PALLD: variants seen among roughly 807,000 people sequenced by gnomAD.
PALLD encodes the protein palladin, cytoskeletal associated protein, also known as palladin.
Under a neutral mutation model 123.5 loss-of-function variants are expected in PALLD, and 61 were observed. The observed-to-expected ratio is 0.49, with a 90% confidence interval of 0.40 to 0.61. The LOEUF is 0.61. Ranked by LOEUF, PALLD falls within the 20% of genes least tolerant of loss-of-function variation. The pLI, the probability that PALLD is intolerant of heterozygous loss-of-function variation, is 0.00. For missense variants in PALLD, 1,273 were observed against 1,377.0 expected (o/e 0.92, Z 1.20); for synonymous variants, 465 against 496.4 (o/e 0.94, Z 0.84).
intron 10 of PALLD, among the ~76,000 whole-genome samples, chr4:168,803,027 A>G (rs1246916601): frequency 1.3e-5 from 2 of 152,232 alleles, no homozygotes; most frequent in Admixed American, 6.5e-5. Context: ...AGCAAACAAT[A>G]ATAGGTGAAT....
At chr4:168,600,717 A>G (rs1404202098) in intron 2 of PALLD, among the ~76,000 whole-genome samples, 1 of 152,154 alleles carries the variant, frequency 6.6e-6, no homozygotes, top group Non-Finnish European at 1.5e-5. Context: ...TTGTTCAAAA[A>G]TCAGAATAGT....
chr4:168,766,290 A>G (rs1302347182), intron 10 of PALLD, among the ~76,000 whole-genome samples: 6 of 152,226 alleles, frequency 3.9e-5, no homozygotes, highest in Non-Finnish European at 8.8e-5. Context: ...AGCTCTGCCT[A>G]TGGAATAGCC....
At chr4:168,807,853 G>A (rs1019554719) in intron 10 of PALLD, among the ~76,000 whole-genome samples, 6 of 151,994 alleles carry the variant, frequency 3.9e-5, no homozygotes, top group Non-Finnish European at 7.4e-5. Context: ...TTACAGGCAT[G>A]CGCCACCATG....
chr4:168,548,951 A>G (rs1203775497), intron 2 of PALLD, among the ~76,000 whole-genome samples: 2 of 151,974 alleles, frequency 1.3e-5, no homozygotes, highest in African/African-American at 4.8e-5. Flanking sequence ...AGGTTGTTGT[A>G]GTGAGATTAT....
At chr4:168,582,732 A>G (rs1021682628) in intron 2 of PALLD, among the ~76,000 whole-genome samples, 1 of 152,092 alleles carries the variant, frequency 6.6e-6, no homozygotes, top group Non-Finnish European at 1.5e-5. Flanking sequence ...ACATTTATTG[A>G]TTTGCATATG....
intron 10 of PALLD, among the ~76,000 whole-genome samples, chr4:168,883,481 T>C (rs570679561): frequency 6.6e-6 from 1 of 152,338 alleles, no homozygotes; most frequent in South Asian, 2.1e-4. Flanking sequence ...AATTCTCTGG[T>C]TGATTCTGGT....
Position 168,690,256 on chromosome 4 carries a change from C to T in PALLD, c.1336-347C>T, listed in dbSNP as rs546179724. On this transcript the variant is annotated intron_variant, in intron 6 of 21. Coordinates refer to ENST00000505667, the MANE Select transcript of PALLD (RefSeq NM_001166108.2). ...GTCGTTTCAAGAAATTCACATTCCA[C>T]CTGCTTCCTTTTAAATGTAGATAAA... Among the ~76,000 whole-genome samples the T allele has an allele frequency of 2.0e-5, 3 of 152,320 alleles. No individual in the cohort carries two copies. In the East Asian group the frequency reaches 5.8e-4, roughly 29 times the overall value.
rs187828821 is a variant in PALLD, at chr4:168,555,886, G to A, written c.908+43474G>A. 5.0e-3 allele frequency among the ~76,000 whole-genome samples: 767 copies of A among 152,242 alleles called. 18 individuals carry two copies. The highest frequency in any genetic ancestry group is 0.04 in the Admixed American group (614 of 15,290). ...AGACCTAGGGATCCAGTCAAAAAGA[G>A]GGATCGATTGCAGGCTCAGATGCAA... is the stretch of plus-strand genomic sequence containing the variant. On this transcript the variant is annotated intron_variant, in intron 2 of 21. Transcript: ENST00000505667.
At chr4:168,575,680 A>G (rs1404689530) in intron 2 of PALLD, among the ~76,000 whole-genome samples, 1 of 152,042 alleles carries the variant, frequency 6.6e-6, no homozygotes, top group Non-Finnish European at 1.5e-5. Flanking sequence ...CTGGTCTACA[A>G]TGCTTCTCTC....
intron 2 of PALLD, among the ~76,000 whole-genome samples, chr4:168,620,553 G>T (rs1233921915): frequency 6.6e-6 from 1 of 152,162 alleles, no homozygotes; most frequent in Non-Finnish European, 1.5e-5. Flanking sequence ...ATACATCACA[G>T]GGTAATAAAG....
chr4:168,645,097 CA>C (rs58366362), intron 2 of PALLD, among the ~76,000 whole-genome samples: 46,467 of 116,880 alleles, frequency 0.4, 7,937 homozygotes, highest in African/African-American at 0.56. Flanking sequence ...GACACAGTCT[CA>C]AAAAAAAAAA....
chr4:168,517,393 CATT>C (rs1029601162), intron 2 of PALLD, among the ~76,000 whole-genome samples: 2 of 152,108 alleles, frequency 1.3e-5, no homozygotes, highest in African/African-American at 4.8e-5. Context: ...ACTAGGTCAT[CATT>C]GTTAGCCCTG....
chr4:168,807,828 C>G (rs144804946), intron 10 of PALLD, among the ~76,000 whole-genome samples: 4,709 of 152,138 alleles, frequency 0.031, 240 homozygotes, highest in African/African-American at 0.1. Flanking sequence ...GCCTCAGCCT[C>G]CAGAGTAACT....
chr4:168,598,502 G>T, intron 2 of PALLD: 1 of 495,114 alleles, frequency 2.0e-6, no homozygotes. Context: ...AGAGAGAGGA[G>T]CAGAGAGAGG....
intron 17 of PALLD, among the ~76,000 whole-genome samples, chr4:168,917,152 G>C (rs994885720): frequency 6.7e-6 from 1 of 150,302 alleles, no homozygotes; most frequent in African/African-American, 2.5e-5. Context: ...AGGTTCAAGT[G>C]ATTCTCCTGC....
rs79212571 is a variant in PALLD, at chr4:168,783,435, G to A, written c.1964+71512G>A. Among the ~76,000 whole-genome samples the A allele has an allele frequency of 8.5e-3, 1,291 of 152,180 alleles. 61 individuals carry two copies. The East Asian group carries it at 0.16, about 19-fold the overall frequency. ...ATCTAGATGAGTCCTGAGGGCCAGC[G>A]CATATTTCTAAAGACGGGAGAGACA... On this transcript the variant is annotated intron_variant, in intron 10 of 21. Transcript: ENST00000505667.
At chr4:168,891,925 A>C (rs1754210337) in intron 11 of PALLD, among the ~76,000 whole-genome samples, 1 of 152,232 alleles carries the variant, frequency 6.6e-6, no homozygotes, top group South Asian at 2.1e-4. Flanking sequence ...TTAATTCAGC[A>C]TCTGAAAGAG....
chr4:168,797,350 G>C (rs577158682), intron 10 of PALLD, among the ~76,000 whole-genome samples: 1 of 151,752 alleles, frequency 6.6e-6, no homozygotes, highest in South Asian at 2.1e-4. Context: ...TCATCCAAAA[G>C]TTGAGTATAT....
At chr4:168,739,968 A>G (rs1484759292) in intron 10 of PALLD, among the ~76,000 whole-genome samples, 1 of 152,200 alleles carries the variant, frequency 6.6e-6, no homozygotes, top group Non-Finnish European at 1.5e-5. Flanking sequence ...TCAGCTTAAA[A>G]CAGCCCCTGG....
Sources: gnomAD v4.1 joint callset for allele counts (sites outside exome capture counted in the v4.1 genomes callset) on GRCh38, gnomAD v4.1.1 for gene constraint, MANE v1.5 for transcripts, NCBI Gene and HGNC (gene_info 2026-07-23, HGNC 2026-07-21) for gene names.